Variants in TLR6 observed in about 807,000 individuals in gnomAD.
TLR6 encodes the protein toll-like receptor 6.
A neutral mutation model predicts 16.1 loss-of-function variants in TLR6; 9 were observed. The ratio of observed to expected loss-of-function variants is 0.56; its 90% CI spans 0.34 to 0.98. The LOEUF is 0.98. Among genes scored for constraint, TLR6 ranks in the 50% least tolerant of loss-of-function variants. The probability of loss-of-function intolerance (pLI) is 0.02; values close to 1 mark genes in which losing one functional copy is unlikely to be tolerated. For synonymous variants in TLR6, 340 were observed against 338.6 expected, an observed-to-expected ratio of 1.00 and a Z score of -0.04; for missense variants, 786 against 921.0, an observed-to-expected ratio of 0.85 and a Z score of 1.90.
intron 1 of TLR6, among the ~76,000 whole-genome samples, chr4:38,836,806 G>A (rs1269532823): frequency 1.3e-5 from 2 of 151,930 alleles, no homozygotes; most frequent in Admixed American, 6.6e-5. Context: ...CAGGTGTGTT[G>A]GCAGACACCT....
chr4:38,862,381 A>T, the TLR6 span, among the ~76,000 whole-genome samples: 1 of 151,674 alleles, frequency 6.6e-6, no homozygotes, highest in African/African-American at 2.4e-5. Flanking sequence ...CCCAGGTTCA[A>T]GGGATTTTCT....
intron 1 of TLR6, among the ~76,000 whole-genome samples, chr4:38,849,883 G>A (rs575001302): frequency 8.5e-5 from 13 of 152,184 alleles, no homozygotes; most frequent in Middle Eastern, 3.4e-3. Context: ...TGCACCAAGC[G>A]AACCTAATAG....
At chr4:38,849,633 C>A (rs550070593) in intron 1 of TLR6, among the ~76,000 whole-genome samples, 1 of 152,056 alleles carries the variant, frequency 6.6e-6, no homozygotes, top group South Asian at 2.1e-4. Flanking sequence ...CAATCCTAGT[C>A]TCTGATAAAA....
At chr4:38,825,644 C>A (rs557041363) in exon 2 of TLR6, 1 of 152,580 alleles carries the variant, frequency 6.6e-6, no homozygotes, top group East Asian at 1.9e-4. Flanking sequence ...ATCTGGCTGA[C>A]CTCTTGCAGC....
the TLR6 span, among the ~76,000 whole-genome samples, chr4:38,865,042 G>C: frequency 3.9e-5 from 6 of 152,178 alleles, no homozygotes; most frequent in South Asian, 1.2e-3. Flanking sequence ...GGGTGGGAGG[G>C]ATATACAACC....
exon 2 of TLR6, chr4:38,828,631 G>T (rs2109410209): frequency 1.9e-6 from 3 of 1,613,880 alleles, no homozygotes; most frequent in Non-Finnish European, 2.5e-6. Flanking sequence ...TGTAAATATT[G>T]AGATATTCCA....
chr4:38,864,380 G>A, the TLR6 span, among the ~76,000 whole-genome samples: 118 of 152,270 alleles, frequency 7.7e-4, no homozygotes, highest in Non-Finnish European at 1.3e-3. Flanking sequence ...AATGAAGGGC[G>A]ACTCAGCAAT....
chr4:38,848,248 A>T (rs1712618977), intron 1 of TLR6, among the ~76,000 whole-genome samples: 1 of 152,226 alleles, frequency 6.6e-6, no homozygotes, highest in African/African-American at 2.4e-5. Flanking sequence ...AAAACTAACA[A>T]ACAGAAAGGA....
At chr4:38,839,733 T>C (rs12644563) in intron 1 of TLR6, among the ~76,000 whole-genome samples, 4,851 of 152,338 alleles carry the variant, frequency 0.032, 227 homozygotes, top group African/African-American at 0.089. Flanking sequence ...ACATTACTTA[T>C]TGTAACAATG....
At chr4:38,861,027 C>T (rs374868780), upstream of TLR6, among the ~76,000 whole-genome samples, 84 of 152,146 alleles carry the variant, frequency 5.5e-4, no homozygotes, top group African/African-American at 1.7e-3. Flanking sequence ...GCACAGCGCC[C>T]TCTAGTGGTC....
At chr4:38,868,288 G>A in the TLR6 span, 1,064 of 156,508 alleles carry the variant, frequency 6.8e-3, 15 homozygotes, top group African/African-American at 0.024. Context: ...AAGGGAGCAG[G>A]TCCCTGTAAG....
intron 1 of TLR6, among the ~76,000 whole-genome samples, chr4:38,841,973 T>C (rs1442270978): frequency 1.3e-5 from 2 of 152,248 alleles, no homozygotes; most frequent in African/African-American, 4.8e-5. Context: ...TGTAAATGAA[T>C]GTCTTTTAAA....
rs1213404570 is a variant in TLR6 at position 38,828,389 on chromosome 4, T to C, written c.1085A>G (p.Gln362Arg). The change falls in exon 2 of 2, where the codon CAG becomes CGG. Residue 362 changes from glutamine (Q) to arginine (R), a missense_variant. Coordinates refer to ENST00000436693, the Ensembl canonical transcript of TLR6. ...AAAAATACTATCTGTGAAAACGTTCTGGGTAAAGTTCAAAAACTTGAATGT... is the reference window on the plus strand; with the variant it reads ...AAAAATACTATCTGTGAAAACGTTCCGGGTAAAGTTCAAAAACTTGAATGT... 5.0e-6 allele frequency: 8 copies of C among 1,613,000 alleles called. No individual in the cohort carries two copies. The African/African-American group carries it at 5.3e-5, about 11-fold the overall frequency.
At chr4:38,830,649 A>T (rs929042625) in intron 1 of TLR6, among the ~76,000 whole-genome samples, 3 of 152,130 alleles carry the variant, frequency 2.0e-5, no homozygotes, top group African/African-American at 7.2e-5. Context: ...GAGGAAGTCG[A>T]GGCTCCAATG....
At chr4:38,850,649 C>T (rs1049823441) in intron 1 of TLR6, among the ~76,000 whole-genome samples, 12 of 152,094 alleles carry the variant, frequency 7.9e-5, no homozygotes, top group East Asian at 3.9e-4. Context: ...ATAAATTCCT[C>T]GACACCTACA....
chr4:38,829,673 C>A (rs1262203055), intron 1 of TLR6, 136 bp from the exon 2 acceptor site: 15 of 519,142 alleles, frequency 2.9e-5, no homozygotes, highest in Non-Finnish European at 4.8e-5. Context: ...TAATGTAATA[C>A]TTTTTATAAC....
At chr4:38,835,403 A>G (rs929913694) in intron 1 of TLR6, among the ~76,000 whole-genome samples, 4 of 152,222 alleles carry the variant, frequency 2.6e-5, no homozygotes, top group African/African-American at 4.8e-5. Context: ...AAAGGGATCA[A>G]TTCATCAAAA....
At chr4:38,852,837 T>A (rs534168906) in intron 1 of TLR6, among the ~76,000 whole-genome samples, 1 of 152,260 alleles carries the variant, frequency 6.6e-6, no homozygotes, top group African/African-American at 2.4e-5. Context: ...TCCTCAGGGA[T>A]CTAGAACTAG....
At chr4:38,856,325 G>A (rs7689284) in intron 1 of TLR6, among the ~76,000 whole-genome samples, 93,155 of 152,102 alleles carry the variant, frequency 0.61, 29,721 homozygotes, top group African/African-American at 0.8. Context: ...CCAGCAAACT[G>A]TTACAGTGAC....
Sources: allele counts gnomAD v4.1 joint callset (sites outside exome capture counted in the v4.1 genomes callset), GRCh38; gene constraint gnomAD v4.1.1; transcripts MANE v1.5; gene names NCBI Gene and HGNC (gene_info 2026-07-23, HGNC 2026-07-21).